LRP1B: variants seen among roughly 807,000 people sequenced by gnomAD.
LRP1B encodes LDL receptor related protein 1B.
LRP1B carries 217 observed loss-of-function variants against 556.6 expected under a neutral mutation model. The ratio of observed to expected loss-of-function variants is 0.39; its 90% CI spans 0.35 to 0.44. The LOEUF (loss-of-function observed/expected upper bound fraction) is 0.44. Among genes scored for constraint, LRP1B ranks in the 20% least tolerant of loss-of-function variants. The pLI is 1.00. For synonymous variants in LRP1B, 2,047 were observed against 1,865.8 expected (o/e 1.10, Z -2.50); for missense variants, 5,053 against 5,620.8 (o/e 0.90, Z 3.23).
At chr2:141,417,761 T>TTTA (rs955858051) in intron 3 of LRP1B, among the ~76,000 whole-genome samples, 2 of 132,752 alleles carry the variant, frequency 1.5e-5, no homozygotes, top group African/African-American at 8.0e-5. Flanking sequence ...TAGTTCTATT[T>TTTA]TTTTTTTTTT....
chr2:141,939,764 T>G (rs1164382958), intron 1 of LRP1B, among the ~76,000 whole-genome samples: 1 of 152,100 alleles, frequency 6.6e-6, no homozygotes, highest in African/African-American at 2.4e-5. Flanking sequence ...GTTAATATAT[T>G]GAAATCAGCA....
chr2:141,267,040 T>G (rs920158680), intron 3 of LRP1B, among the ~76,000 whole-genome samples: 2 of 152,232 alleles, frequency 1.3e-5, no homozygotes, highest in Non-Finnish European at 2.9e-5. Flanking sequence ...TGACATTTCA[T>G]AGACATGGTG....
intron 2 of LRP1B, among the ~76,000 whole-genome samples, chr2:141,795,896 A>ATATG (rs1695795550): frequency 1.3e-5 from 1 of 78,358 alleles, no homozygotes; most frequent in East Asian, 5.6e-4. Flanking sequence ...ATATATATAT[A>ATATG]TATAATCTTT....
At chr2:141,534,248 C>T (rs1413421088) in intron 2 of LRP1B, among the ~76,000 whole-genome samples, 2 of 152,072 alleles carry the variant, frequency 1.3e-5, no homozygotes, top group Admixed American at 6.6e-5. Flanking sequence ...CAACCAGAGG[C>T]TACGAAATGA....
chr2:141,769,479 G>C (rs1364854224), intron 2 of LRP1B, among the ~76,000 whole-genome samples: 1 of 152,192 alleles, frequency 6.6e-6, no homozygotes, highest in African/African-American at 2.4e-5. Flanking sequence ...GTGCTCCAAA[G>C]AAATGGTACA....
At chr2:140,612,991 T>TC (rs1574143012) in intron 41 of LRP1B, among the ~76,000 whole-genome samples, 2 of 139,238 alleles carry the variant, frequency 1.4e-5, no homozygotes. Flanking sequence ...GCAAGTTATC[T>TC]CTTTTTTTTT....
intron 84 of LRP1B, among the ~76,000 whole-genome samples, chr2:140,296,638 T>TAC (rs1683614155): frequency 9.0e-6 from 1 of 110,556 alleles, no homozygotes; most frequent in Non-Finnish European, 2.0e-5. Flanking sequence ...AATTTAAATA[T>TAC]AGATACCCCA....
chr2:140,260,653 A>G (rs930179461), intron 86 of LRP1B, among the ~76,000 whole-genome samples: 3 of 151,602 alleles, frequency 2.0e-5, no homozygotes, highest in African/African-American at 7.3e-5. Context: ...TGTTTCTGGG[A>G]TGAAAATCCC....
At chr2:140,324,438 T>C (rs1558801781) in intron 80 of LRP1B, among the ~76,000 whole-genome samples, 1 of 152,088 alleles carries the variant, frequency 6.6e-6, no homozygotes, top group Admixed American at 6.6e-5. Context: ...CAGTTTGTGT[T>C]CTGGATCAAA....
chr2:141,518,568 G>A (rs890973595), intron 2 of LRP1B, among the ~76,000 whole-genome samples: 7 of 152,072 alleles, frequency 4.6e-5, no homozygotes, highest in Admixed American at 2.0e-4. Flanking sequence ...TGATCTTGTT[G>A]TTTTTAAAGT....
At chr2:140,314,846 G>T in intron 83 of LRP1B, 89 bp downstream of exon 83, 1 of 843,492 alleles carries the variant, frequency 1.2e-6, no homozygotes. Flanking sequence ...TAAGATATTA[G>T]GAAGTATATT....
At chr2:141,882,323 G>T (rs1324744663) in intron 1 of LRP1B, among the ~76,000 whole-genome samples, 1 of 152,028 alleles carries the variant, frequency 6.6e-6, no homozygotes, top group Non-Finnish European at 1.5e-5. Flanking sequence ...GCAAAACAAA[G>T]TTTGTGAATA....
chr2:141,684,470 A>T (rs756038011), intron 2 of LRP1B, among the ~76,000 whole-genome samples: 32 of 151,964 alleles, frequency 2.1e-4, no homozygotes, highest in Non-Finnish European at 3.2e-4. Flanking sequence ...GGGGGACTAG[A>T]GGAAGGATAG....
chr2:141,542,457 C>A (rs1250913473), intron 2 of LRP1B, among the ~76,000 whole-genome samples: 3 of 151,854 alleles, frequency 2.0e-5, no homozygotes, highest in East Asian at 3.9e-4. Flanking sequence ...AGCTTTACTT[C>A]TTCTCATATA....
intron 41 of LRP1B, among the ~76,000 whole-genome samples, chr2:140,676,108 A>G (rs1685663115): frequency 6.6e-6 from 1 of 152,220 alleles, no homozygotes; most frequent in Non-Finnish European, 1.5e-5. Flanking sequence ...TTATTTTCAC[A>G]TAAACAATAG....
intron 32 of LRP1B, among the ~76,000 whole-genome samples, chr2:140,803,260 GTTTTTTTTTTTTT>G (rs11352164): frequency 2.9e-5 from 3 of 102,238 alleles, no homozygotes; most frequent in African/African-American, 5.1e-5. Flanking sequence ...CCTATTGAAA[GTTTTTTTTTTTTT>G]TTTTTTTTTT....
At chr2:141,598,607 G>A (rs1392680459) in intron 2 of LRP1B, among the ~76,000 whole-genome samples, 1 of 151,988 alleles carries the variant, frequency 6.6e-6, no homozygotes, top group African/African-American at 2.4e-5. Flanking sequence ...TATCTCTATG[G>A]TATGCTTTCA....
intron 1 of LRP1B, among the ~76,000 whole-genome samples, chr2:141,984,827 T>C (rs1702141276): frequency 6.6e-6 from 1 of 152,144 alleles, no homozygotes; most frequent in South Asian, 2.1e-4. Context: ...CAGGGGAATG[T>C]AGCCATAAAA....
At chr2:140,284,203 C>T (rs1405046638) in intron 84 of LRP1B, among the ~76,000 whole-genome samples, 1 of 151,484 alleles carries the variant, frequency 6.6e-6, no homozygotes, top group Non-Finnish European at 1.5e-5. Context: ...TTACATGCCT[C>T]CAGAGTGCTT....
Sources: gnomAD v4.1 joint callset for allele counts (sites outside exome capture counted in the v4.1 genomes callset) on GRCh38, gnomAD v4.1.1 for gene constraint, MANE v1.5 for transcripts, NCBI Gene and HGNC (gene_info 2026-07-23, HGNC 2026-07-21) for gene names.